FRMD4A: variants seen among roughly 807,000 people sequenced by gnomAD.
FRMD4A encodes the protein FERM domain containing 4A.
FRMD4A carries 29 observed loss-of-function variants against 129.1 expected under a neutral mutation model. The ratio of observed to expected loss-of-function variants is 0.22; its 90% confidence interval spans 0.17 to 0.31. The LOEUF (loss-of-function observed/expected upper bound fraction) is 0.31, where lower values mean the gene tolerates loss of function less well. Ranked by LOEUF, FRMD4A falls within the 10% of genes least tolerant of loss-of-function variation. The pLI is 1.00. For missense variants in FRMD4A, 1,272 were observed against 1,375.8 expected, an observed-to-expected ratio of 0.92 and a Z score of 1.19; for synonymous variants, 634 against 571.6, an observed-to-expected ratio of 1.11 and a Z score of -1.56.
chr10:13,659,088 GCTCC>G (rs1369566337), intron 21 of FRMD4A, among the ~76,000 whole-genome samples: 5 of 152,154 alleles, frequency 3.3e-5, no homozygotes, highest in Non-Finnish European at 7.4e-5. Flanking sequence ...AACTTTCCAT[GCTCC>G]CTGTCTCCAG....
At chr10:14,197,100 C>T (rs1408002340) in intron 2 of FRMD4A, among the ~76,000 whole-genome samples, 1 of 152,170 alleles carries the variant, frequency 6.6e-6, no homozygotes, top group Non-Finnish European at 1.5e-5. Context: ...AAAGCTGCCA[C>T]CAGGGGGCGC....
chr10:13,698,829 G>A (rs2086494353), intron 14 of FRMD4A, among the ~76,000 whole-genome samples: 1 of 152,192 alleles, frequency 6.6e-6, no homozygotes, highest in Admixed American at 6.5e-5. Flanking sequence ...GTCACTGCAG[G>A]CTGGGGAACT....
chr10:13,800,304 G>T (rs1456639570), intron 4 of FRMD4A, among the ~76,000 whole-genome samples: 2 of 152,204 alleles, frequency 1.3e-5, no homozygotes, highest in South Asian at 2.1e-4. Context: ...CTCAAAAGAA[G>T]TATTTGCTCA....
intron 9 of FRMD4A, among the ~76,000 whole-genome samples, chr10:13,741,088 A>G (rs924092160): frequency 6.6e-6 from 1 of 152,072 alleles, no homozygotes; most frequent in African/African-American, 2.4e-5. Flanking sequence ...TGGCCTCCCA[A>G]AGTACTGGGA....
intron 22 of FRMD4A, among the ~76,000 whole-genome samples, chr10:13,656,218 A>AT (rs1476414751): frequency 6.6e-6 from 1 of 152,182 alleles, no homozygotes; most frequent in African/African-American, 2.4e-5. Context: ...ACCCAAGCCC[A>AT]TCCCCAACCC....
intron 8 of FRMD4A, among the ~76,000 whole-genome samples, chr10:13,761,265 GAAA>G (rs975196789): frequency 6.6e-6 from 1 of 152,076 alleles, no homozygotes; most frequent in Non-Finnish European, 1.5e-5. Flanking sequence ...TACATTGAGA[GAAA>G]AAAAGATGTC....
chr10:13,871,490 C>T (rs1357125661), intron 2 of FRMD4A, among the ~76,000 whole-genome samples: 2 of 152,216 alleles, frequency 1.3e-5, no homozygotes, highest in Non-Finnish European at 2.9e-5. Flanking sequence ...TGGACAGATA[C>T]TGATTTGTGC....
At chr10:13,881,988 A>AT (rs2094550733) in intron 2 of FRMD4A, among the ~76,000 whole-genome samples, 1 of 10,652 alleles carries the variant, frequency 9.4e-5, no homozygotes, top group South Asian at 3.5e-3. Flanking sequence ...GGGAGAGGCA[A>AT]GGGTGTGTGT....
At chr10:13,654,566 T>A (rs1446559787) in intron 22 of FRMD4A, 54 bp from the exon 23 acceptor site, 32 of 1,181,884 alleles carry the variant, frequency 2.7e-5, no homozygotes, top group Middle Eastern at 3.9e-4. Flanking sequence ...CAGACACAGG[T>A]GAAAGAGCTT....
intron 2 of FRMD4A, among the ~76,000 whole-genome samples, chr10:14,264,346 G>A (rs1844905287): frequency 6.6e-6 from 1 of 152,174 alleles, no homozygotes; most frequent in African/African-American, 2.4e-5. Flanking sequence ...AATAGATGAG[G>A]TGGATCTTAA....
intron 2 of FRMD4A, among the ~76,000 whole-genome samples, chr10:14,288,914 T>C (rs147422920): frequency 1.9e-4 from 29 of 152,358 alleles, no homozygotes; most frequent in African/African-American, 7.0e-4. Flanking sequence ...CTTAACATAA[T>C]GTCCTCCAGG....
intron 2 of FRMD4A, among the ~76,000 whole-genome samples, chr10:14,053,661 T>C (rs1834368382): frequency 6.6e-6 from 1 of 152,164 alleles, no homozygotes; most frequent in South Asian, 2.1e-4. Context: ...CTGCCCATCT[T>C]TGACTTGGAA....
At chr10:14,270,278 C>G (rs1428029345) in intron 2 of FRMD4A, among the ~76,000 whole-genome samples, 1 of 152,198 alleles carries the variant, frequency 6.6e-6, no homozygotes, top group African/African-American at 2.4e-5. Flanking sequence ...CTGATAAATT[C>G]CTTCTCGTCT....
intron 2 of FRMD4A, among the ~76,000 whole-genome samples, chr10:13,889,875 G>A (rs904589986): frequency 5.3e-5 from 8 of 152,274 alleles, no homozygotes; most frequent in Middle Eastern, 3.4e-3. Context: ...ACAATATAGC[G>A]TTGATTTCAA....
chr10:14,118,083 G>T lies in FRMD4A; in HGVS notation c.45+211975C>A, dbSNP rs534080302. On this transcript the variant is annotated intron_variant, in intron 2 of 24. Coordinates refer to ENST00000357447, the MANE Select transcript of FRMD4A (RefSeq NM_018027.5). Reference sequence around the variant, plus strand: ...GCAGTCAGCGCAGACCCTGCCACATGGTGATATTTTAAAAGACTGTGAAAT... The same window carrying T: ...GCAGTCAGCGCAGACCCTGCCACATTGTGATATTTTAAAAGACTGTGAAAT... 3.9e-5 allele frequency among the ~76,000 whole-genome samples: 6 copies of T among 152,248 alleles called. No individual in the cohort carries two copies. In the South Asian group the frequency reaches 1.2e-3, roughly 32 times the overall value.
intron 2 of FRMD4A, among the ~76,000 whole-genome samples, chr10:14,291,289 G>A (rs1845843708): frequency 6.6e-6 from 1 of 152,022 alleles, no homozygotes; most frequent in African/African-American, 2.4e-5. Context: ...TGAAAATAAG[G>A]GATTGACAAA....
At chr10:14,010,962 CA>C (rs757062862) in intron 2 of FRMD4A, among the ~76,000 whole-genome samples, 6 of 152,192 alleles carry the variant, frequency 3.9e-5, no homozygotes, top group Non-Finnish European at 7.3e-5. Context: ...GTGAGGTTAT[CA>C]AAGGCTACTT....
rs186746322 is a variant in FRMD4A at position 14,076,605 on chromosome 10, A to C, written c.46-217693T>G. Among the ~76,000 whole-genome samples, 80 of 151,742 alleles carry C rather than the reference A, an allele frequency of 5.3e-4. 1 individual carries two copies. The highest frequency in any genetic ancestry group is 3.9e-3 in the Admixed American group (60 of 15,224). On this transcript the variant is annotated intron_variant, in intron 2 of 24. Coordinates refer to ENST00000357447, the MANE Select transcript of FRMD4A (RefSeq NM_018027.5). The stretch of plus-strand genomic sequence containing the variant: ...CAGTGAGCTGAGATCACGCCACTGC[A>C]CTCCAGCCTGGGCGACAGAGCGAGA...
intron 2 of FRMD4A, among the ~76,000 whole-genome samples, chr10:13,954,799 G>A (rs997340874): frequency 5.9e-5 from 9 of 152,166 alleles, no homozygotes; most frequent in East Asian, 1.9e-4. Flanking sequence ...TCAAAACCCC[G>A]TACCAAACCC....
Sources: allele counts gnomAD v4.1 joint callset (sites outside exome capture counted in the v4.1 genomes callset), GRCh38; gene constraint gnomAD v4.1.1; transcripts MANE v1.5; gene names NCBI Gene and HGNC (gene_info 2026-07-23, HGNC 2026-07-21).